The following SH3PXD2A variants were observed in gnomAD, a reference collection of about 807,000 sequenced individuals.
SH3PXD2A encodes the protein SH3 and PX domains 2A, also known as SH3 and PX domain-containing protein 2A.
SH3PXD2A carries 32 observed loss-of-function variants against 115.2 expected under a neutral mutation model. That is an observed-to-expected ratio of 0.28 (90% CI 0.21 to 0.37). The LOEUF is 0.37. Ranked by LOEUF, SH3PXD2A falls within the 10% of genes least tolerant of loss-of-function variation. The probability of loss-of-function intolerance (pLI) is 1.00; values close to 1 mark genes in which losing one functional copy is unlikely to be tolerated. For missense variants in SH3PXD2A, 1,328 were observed against 1,498.7 expected (o/e 0.89, Z 1.88); for synonymous variants, 610 against 629.1 (o/e 0.97, Z 0.45).
intron 2 of SH3PXD2A, among the ~76,000 whole-genome samples, chr10:103,780,606 T>C (rs910972181): frequency 2.0e-5 from 3 of 152,216 alleles, no homozygotes; most frequent in East Asian, 1.9e-4. Context: ...GAAGCCACCA[T>C]CCAGGCCCTG....
At chr10:103,693,495 T>C (rs1413686018) in intron 5 of SH3PXD2A, 1 of 150,524 alleles carries the variant, frequency 6.6e-6, no homozygotes, top group East Asian at 2.0e-4. Flanking sequence ...ATTCTTTGCA[T>C]GGCTTGCCCT....
chr10:103,662,331 C>G (rs1266573562), intron 7 of SH3PXD2A, among the ~76,000 whole-genome samples: 2 of 34,586 alleles, frequency 5.8e-5, no homozygotes. Context: ...CTTCCCATCA[C>G]CATTATTGGC....
chr10:103,838,589 T>G (rs1023462264), intron 1 of SH3PXD2A, among the ~76,000 whole-genome samples: 8 of 152,190 alleles, frequency 5.3e-5, no homozygotes, highest in Non-Finnish European at 1.2e-4. Flanking sequence ...ACCCCAAATG[T>G]TGGGAATGGA....
chr10:103,782,941 G>GC (rs1410956984), intron 2 of SH3PXD2A, among the ~76,000 whole-genome samples: 1 of 151,772 alleles, frequency 6.6e-6, no homozygotes, highest in Non-Finnish European at 1.5e-5. Context: ...CTTGGGGGGG[G>GC]GGGCTCTCTG....
chr10:103,621,383 G>A (rs1377931594), intron 10 of SH3PXD2A, among the ~76,000 whole-genome samples: 1 of 152,236 alleles, frequency 6.6e-6, no homozygotes, highest in Non-Finnish European at 1.5e-5. Flanking sequence ...AGCCCAGGCT[G>A]TGCCCTCAGG....
chr10:103,845,842 A>G (rs968406012), intron 1 of SH3PXD2A, among the ~76,000 whole-genome samples: 1 of 152,182 alleles, frequency 6.6e-6, no homozygotes, highest in Non-Finnish European at 1.5e-5. Context: ...AAAAAGGAAA[A>G]CAACGTAGGT....
intron 8 of SH3PXD2A, among the ~76,000 whole-genome samples, chr10:103,633,374 C>CCATT (rs1351884187): frequency 1.3e-5 from 2 of 151,496 alleles, no homozygotes; most frequent in Non-Finnish European, 2.9e-5. Context: ...CAAGACCATG[C>CCATT]CATTGCACTC....
chr10:103,686,328 G>T (rs758221125), intron 6 of SH3PXD2A, among the ~76,000 whole-genome samples: 9 of 152,302 alleles, frequency 5.9e-5, no homozygotes, highest in Non-Finnish European at 1.0e-4. Flanking sequence ...TGACAATCCC[G>T]AGGCTCCGTG....
chr10:103,631,976 C>T (rs1224697104), intron 8 of SH3PXD2A, among the ~76,000 whole-genome samples: 1 of 152,050 alleles, frequency 6.6e-6, no homozygotes, highest in Non-Finnish European at 1.5e-5. Context: ...TAATAGCGCA[C>T]GGTTCTGGTT....
rs559720570 is a variant in SH3PXD2A at position 103,688,009 on chromosome 10, T to C, written c.427+5019A>G. Among the ~76,000 whole-genome samples the C allele has an allele frequency of 5.9e-5, 9 of 152,304 alleles. No homozygotes were observed. In the South Asian group the frequency reaches 1.9e-3, roughly 32 times the overall value. ...CCATCTAATAGTACATTCTTCTATA[T>C]AGCTCATCACCCACAGCAGACTGCA... is the stretch of plus-strand genomic sequence containing the variant. On this transcript the variant is annotated intron_variant, in intron 6 of 14. Coordinates refer to ENST00000369774, the MANE Select transcript of SH3PXD2A (RefSeq NM_001394015.1).
intron 6 of SH3PXD2A, among the ~76,000 whole-genome samples, chr10:103,689,288 G>A (rs2037718538): frequency 1.3e-5 from 2 of 152,144 alleles, no homozygotes; most frequent in South Asian, 4.1e-4. Flanking sequence ...GAGAGATGAA[G>A]GGGTTTCTAA....
rs142225254 is a variant in SH3PXD2A, at chr10:103,616,156, A to T, written c.920+1041T>A. ...GCATGGACTAGCCTTTAATGCCATC[A>T]TGTTGTACCATGTTCTGAGCAACTG... On this transcript the variant is annotated intron_variant, in intron 11 of 14. Coordinates refer to ENST00000369774, the MANE Select transcript of SH3PXD2A (RefSeq NM_001394015.1). Among the ~76,000 whole-genome samples, 26 of 152,224 alleles carry T rather than the reference A, an allele frequency of 1.7e-4. No homozygotes were observed. The East Asian group carries it at 4.2e-3, about 25-fold the overall frequency.
chr10:103,744,503 C>A (rs2038479203), intron 3 of SH3PXD2A, among the ~76,000 whole-genome samples: 1 of 152,156 alleles, frequency 6.6e-6, no homozygotes, highest in Non-Finnish European at 1.5e-5. Flanking sequence ...TCACCTCTGA[C>A]CCTCTGCAGC....
At chr10:103,723,592 A>T (rs1444167842) in intron 5 of SH3PXD2A, among the ~76,000 whole-genome samples, 1 of 152,150 alleles carries the variant, frequency 6.6e-6, no homozygotes, top group Non-Finnish European at 1.5e-5. Context: ...AAACATGGAA[A>T]CATTAGCCAG....
At chr10:103,810,924 ACACAC>A (rs2039262045) in intron 1 of SH3PXD2A, among the ~76,000 whole-genome samples, 3 of 4,580 alleles carry the variant, frequency 6.6e-4, no homozygotes, top group Admixed American at 2.4e-3. Flanking sequence ...ACACACGGAG[ACACAC>A]ACATGGACAC....
At chr10:103,626,550 A>G (rs1198050724) in intron 9 of SH3PXD2A, among the ~76,000 whole-genome samples, 1 of 151,892 alleles carries the variant, frequency 6.6e-6, no homozygotes, top group Non-Finnish European at 1.5e-5. Context: ...ACTCTTTGAA[A>G]TGCAAGGAGA....
rs1369490438 is a variant in SH3PXD2A, at chr10:103,659,517, C to A, written c.604+1466G>T. On this transcript the variant is annotated intron_variant, in intron 8 of 14. Transcript: ENST00000369774. ...GGTTTCCAGAGCCAGACCCCCATGA[C>A]ATTGCTAGCTTACTTTGCGGGCAGG... is the stretch of plus-strand genomic sequence containing the variant. Among the ~76,000 whole-genome samples, 4 of 152,182 alleles carry A rather than the reference C, an allele frequency of 2.6e-5. No individual in the cohort carries two copies. The East Asian group carries it at 7.7e-4, about 29-fold the overall frequency.
chr10:103,629,824 A>G (rs2036752105), intron 8 of SH3PXD2A, among the ~76,000 whole-genome samples: 1 of 152,048 alleles, frequency 6.6e-6, no homozygotes, highest in East Asian at 1.9e-4. Context: ...TTCCCTGTCT[A>G]CCCTTTACAG....
chr10:103,616,734 G>T (rs980768026), intron 11 of SH3PXD2A, among the ~76,000 whole-genome samples: 1 of 141,016 alleles, frequency 7.1e-6, no homozygotes, highest in Non-Finnish European at 1.5e-5. Context: ...ACCTGCACCC[G>T]CCCCCGCCCC....
Sources: allele counts gnomAD v4.1 joint callset (sites outside exome capture counted in the v4.1 genomes callset), GRCh38; gene constraint gnomAD v4.1.1; transcripts MANE v1.5; gene names NCBI Gene and HGNC (gene_info 2026-07-23, HGNC 2026-07-21).